The following KCNIP3 variants were observed in gnomAD, a reference collection of about 807,000 sequenced individuals.
KCNIP3 encodes calsenilin.
In KCNIP3, 28 loss-of-function variants were observed where a neutral mutation model predicts 35.0. That is an observed-to-expected ratio of 0.80 (90% CI 0.59 to 1.10). The LOEUF is 1.10. Among genes scored for constraint, KCNIP3 ranks in the 50% least tolerant of loss-of-function variants. KCNIP3 has a pLI of 0.00. For synonymous variants in KCNIP3, 134 were observed against 133.8 expected, an observed-to-expected ratio of 1.00 and a Z score of -0.01; for missense variants, 295 against 338.4, an observed-to-expected ratio of 0.87 and a Z score of 1.01.
chr2:95,307,998 G>A (rs1438246335), intron 1 of KCNIP3, among the ~76,000 whole-genome samples: 6 of 152,242 alleles, frequency 3.9e-5, no homozygotes, highest in African/African-American at 2.4e-5. Flanking sequence ...ACGTGTGTGT[G>A]CATATGTATG....
At chr2:95,300,851 C>T (rs1240559598) in intron 1 of KCNIP3, among the ~76,000 whole-genome samples, 1 of 152,232 alleles carries the variant, frequency 6.6e-6, no homozygotes, top group Non-Finnish European at 1.5e-5. Context: ...GCCACCTCAG[C>T]TCTCTGCCCA....
At position 95,297,409 on chromosome 2, in the gene KCNIP3, G is replaced by T; in HGVS notation, c.-30G>T. ...GTCTGCCTCGGCTGTGAAGTGGGGA[G>T]GCTGGCAACAGTTTTCTTCAGCGCC... On this transcript the variant is annotated 5_prime_UTR_variant, in exon 1 of 9. It adds an upstream start codon to the 5' untranslated region. Transcript: ENST00000295225. 1 of 1,569,834 alleles carries T rather than the reference G, an allele frequency of 6.4e-7. No individual in the cohort carries two copies. The highest frequency in any genetic ancestry group is 1.2e-5 in the South Asian group (1 of 85,240).
At chr2:95,316,814 GAATAC>G in intron 2 of KCNIP3, among the ~76,000 whole-genome samples, 1 of 152,338 alleles carries the variant, frequency 6.6e-6, no homozygotes. Flanking sequence ...CAGGAAGAAT[GAATAC>G]AGAACTGGCA....
intron 2 of KCNIP3, among the ~76,000 whole-genome samples, chr2:95,355,749 T>G (rs1301364077): frequency 6.6e-6 from 1 of 152,236 alleles, no homozygotes; most frequent in Non-Finnish European, 1.5e-5. Flanking sequence ...CTATCATTGA[T>G]GGACATTTGG....
chr2:95,317,910 G>A (rs1462770986), intron 2 of KCNIP3, among the ~76,000 whole-genome samples: 1 of 152,202 alleles, frequency 6.6e-6, no homozygotes, highest in Non-Finnish European at 1.5e-5. Flanking sequence ...AAGCACCTGG[G>A]AGGCATCATC....
intron 1 of KCNIP3, among the ~76,000 whole-genome samples, chr2:95,307,332 C>G (rs1262144797): frequency 3.9e-5 from 6 of 152,198 alleles, no homozygotes; most frequent in Non-Finnish European, 8.8e-5. Flanking sequence ...CACCCAGCTC[C>G]AGAGACCGCC....
At chr2:95,361,858 A>G (rs1391213527) in intron 2 of KCNIP3, among the ~76,000 whole-genome samples, 5 of 152,200 alleles carry the variant, frequency 3.3e-5, no homozygotes, top group East Asian at 1.9e-4. Flanking sequence ...GGAGAGACCA[A>G]CAATATACCA....
chr2:95,374,237 A>T, intron 2 of KCNIP3, 59 bp from the exon 3 acceptor site: 1 of 1,587,318 alleles, frequency 6.3e-7, no homozygotes, highest in Non-Finnish European at 8.6e-7. Context: ...GCCACACTGG[A>T]GCAAGATGGA....
chr2:95,351,646 C>G (rs535090084), intron 2 of KCNIP3, among the ~76,000 whole-genome samples: 144 of 152,310 alleles, frequency 9.5e-4, no homozygotes, highest in African/African-American at 3.4e-3. Context: ...AGATGTCATG[C>G]CTGAAACCAA....
At chr2:95,349,711 C>G (rs1679464500) in intron 2 of KCNIP3, among the ~76,000 whole-genome samples, 1 of 152,238 alleles carries the variant, frequency 6.6e-6, no homozygotes, top group Admixed American at 6.5e-5. Context: ...GTGACAGACC[C>G]TGGGTGGCAG....
intron 2 of KCNIP3, among the ~76,000 whole-genome samples, chr2:95,332,995 G>A (rs1312396866): frequency 6.6e-6 from 1 of 150,832 alleles, no homozygotes; most frequent in Admixed American, 6.6e-5. Flanking sequence ...TTATGTGAAT[G>A]TGAAATGCCC....
chr2:95,322,875 G>T, intron 2 of KCNIP3, among the ~76,000 whole-genome samples: 1 of 152,206 alleles, frequency 6.6e-6, no homozygotes, highest in South Asian at 2.1e-4. Flanking sequence ...GAGGCCCTGT[G>T]CCCCTCTGCT....
intron 5 of KCNIP3, among the ~76,000 whole-genome samples, chr2:95,375,821 A>G (rs944518644): frequency 6.6e-6 from 1 of 152,160 alleles, no homozygotes; most frequent in Non-Finnish European, 1.5e-5. Flanking sequence ...TGCGGAGCCC[A>G]AGCCTCTAAA....
chr2:95,304,546 A>T (rs1165389712), intron 1 of KCNIP3, among the ~76,000 whole-genome samples: 1 of 152,178 alleles, frequency 6.6e-6, no homozygotes, highest in Admixed American at 6.5e-5. Context: ...CCCAGGACGC[A>T]GCTGACTCAG....
At chr2:95,302,711 G>A (rs1467214310) in intron 1 of KCNIP3, among the ~76,000 whole-genome samples, 1 of 152,154 alleles carries the variant, frequency 6.6e-6, no homozygotes, top group Non-Finnish European at 1.5e-5. Flanking sequence ...CAGGGTCACC[G>A]AGCTGGGAAG....
At chr2:95,320,427 G>A (rs1678564639) in intron 2 of KCNIP3, among the ~76,000 whole-genome samples, 1 of 152,104 alleles carries the variant, frequency 6.6e-6, no homozygotes, top group South Asian at 2.1e-4. Context: ...GGCAGGGTGT[G>A]GTGGGGTGTG....
In KCNIP3 at chr2:95,384,291, C is replaced by A. The variant is rs967541688; in HGVS notation, c.*242C>A. On this transcript the variant is annotated 3_prime_UTR_variant, in exon 9 of 9. Transcript: ENST00000295225. ...GGCCGAGTCCAGGAGCCCCAGCCAG[C>A]CCTTCCCAGGCCAGCGAGGCGAGGC... 7 of 552,036 alleles carry A rather than the reference C, an allele frequency of 1.3e-5. No individual in the cohort carries two copies. The highest frequency in any genetic ancestry group is 7.6e-5 in the African/African-American group (4 of 52,848). 34.2% of individuals were successfully genotyped at this position (552,036 alleles called of 1,614,324 possible). A position where few individuals can be genotyped will look rare whatever the true frequency, so the allele number is the denominator to read the frequency against.
chr2:95,345,663 T>A (rs1162442566), intron 2 of KCNIP3, among the ~76,000 whole-genome samples: 1 of 152,214 alleles, frequency 6.6e-6, no homozygotes, highest in Non-Finnish European at 1.5e-5. Flanking sequence ...GCTGCCGCGC[T>A]GAGTCCGTCC....
intron 2 of KCNIP3, among the ~76,000 whole-genome samples, chr2:95,315,596 G>A (rs1482842525): frequency 2.0e-5 from 3 of 152,102 alleles, no homozygotes; most frequent in African/African-American, 4.8e-5. Flanking sequence ...CTGTGCCTTC[G>A]GCCCTCTCTT....
Sources: gnomAD v4.1 joint callset for allele counts (sites outside exome capture counted in the v4.1 genomes callset) on GRCh38, gnomAD v4.1.1 for gene constraint, MANE v1.5 for transcripts, NCBI Gene and HGNC (gene_info 2026-07-23, HGNC 2026-07-21) for gene names.